Variants in MARCHF3 observed in about 807,000 individuals in gnomAD.
MARCHF3 encodes the protein membrane associated ring-CH-type finger 3.
Under a neutral mutation model 24.2 loss-of-function variants are expected in MARCHF3, and 13 were observed. The ratio of observed to expected loss-of-function variants is 0.54; its 90% CI spans 0.35 to 0.85. MARCHF3 has a LOEUF of 0.85. MARCHF3 is among the 40% of genes least tolerant of loss of function. The probability of loss-of-function intolerance (pLI) is 0.01; values close to 1 mark genes in which losing one functional copy is unlikely to be tolerated. For synonymous variants in MARCHF3, 144 were observed against 137.3 expected (o/e 1.05, Z -0.34); for missense variants, 276 against 325.0 (o/e 0.85, Z 1.16).
intron 1 of MARCHF3, among the ~76,000 whole-genome samples, chr5:126,939,993 C>A (rs1374071710): frequency 6.6e-6 from 1 of 152,166 alleles, no homozygotes; most frequent in African/African-American, 2.4e-5. Flanking sequence ...AGCACTTCAG[C>A]ACTGCCCTTA....
chr5:126,981,964 A>G (rs1751410553), intron 1 of MARCHF3, among the ~76,000 whole-genome samples: 1 of 152,206 alleles, frequency 6.6e-6, no homozygotes, highest in South Asian at 2.1e-4. Context: ...TGTTTCTAAA[A>G]CAGCACTTTC....
intron 1 of MARCHF3, among the ~76,000 whole-genome samples, chr5:126,926,736 C>CAAGT: frequency 6.6e-6 from 1 of 152,102 alleles, no homozygotes; most frequent in African/African-American, 2.4e-5. Flanking sequence ...AGCTGCTTAT[C>CAAGT]AACAGGAGAG....
chr5:126,928,159 TA>T (rs1252961080), intron 1 of MARCHF3, among the ~76,000 whole-genome samples: 1 of 152,246 alleles, frequency 6.6e-6, no homozygotes, highest in African/African-American at 2.4e-5. Context: ...TCATTTGTTT[TA>T]TGGGCTAAAA....
Position 126,927,046 on chromosome 5 carries a change from T to TA in MARCHF3, c.-56-8820dup, listed in dbSNP as rs542788379. Among the ~76,000 whole-genome samples, 241 of 152,010 alleles carry TA rather than the reference T, an allele frequency of 1.6e-3. 2 individuals are homozygous for TA. The highest frequency in any genetic ancestry group is 0.014 in the South Asian group (68 of 4,804). On this transcript the variant is annotated intron_variant, in intron 1 of 4. Transcript: ENST00000308660. ...GCTTTGATAGTCTTGTATAAACAGGTAAAAAAAATCACAGGAACTCCCCCT... is the reference window on the plus strand; with the variant it reads ...GCTTTGATAGTCTTGTATAAACAGGTAAAAAAAAATCACAGGAACTCCCCCT...
At chr5:126,880,182 G>C (rs1043277347) in intron 3 of MARCHF3, among the ~76,000 whole-genome samples, 22 of 152,132 alleles carry the variant, frequency 1.4e-4, no homozygotes, top group Admixed American at 6.5e-5. Flanking sequence ...AAAGAAGCAG[G>C]AGGTAAAAGG....
Position 126,975,672 on chromosome 5 carries a change from G to A in MARCHF3, c.-57+54678C>T, listed in dbSNP as rs77658727. Among the ~76,000 whole-genome samples the A allele has an allele frequency of 9.7e-3, 1,471 of 152,256 alleles. 17 individuals carry two copies. Among genetic ancestry groups the A allele is most frequent in the African/African-American group, 0.034 (1,404 of 41,530 alleles). ...TGGTGATGAGGAAGCCATTCTCCCA[G>A]GTACAGCAAAGGCAGAGTCTGTTGG... On this transcript the variant is annotated intron_variant, in intron 1 of 4. Coordinates refer to ENST00000308660, the MANE Select transcript of MARCHF3 (RefSeq NM_178450.5).
chr5:126,884,146 T>C (rs984937045), intron 3 of MARCHF3, among the ~76,000 whole-genome samples: 1 of 152,208 alleles, frequency 6.6e-6, no homozygotes, highest in Non-Finnish European at 1.5e-5. Flanking sequence ...GGCAGTGTAA[T>C]GATCAGAAGG....
In MARCHF3 at chr5:126,973,914, G is replaced by A. The variant is rs543115627; in HGVS notation, c.-56-55687C>T. On this transcript the variant is annotated intron_variant, in intron 1 of 4. Coordinates refer to ENST00000308660, the MANE Select transcript of MARCHF3 (RefSeq NM_178450.5). ...TTTTTTTTTTTTTTTTTTTTGAGAC[G>A]GAGTCTCGCTCTGTCGCCCAGGCCG... Among the ~76,000 whole-genome samples the A allele has an allele frequency of 8.7e-3, 989 of 113,146 alleles. 20 individuals are homozygous for A. The highest frequency in any genetic ancestry group is 0.032 in the African/African-American group (917 of 28,946). 74.2% of individuals were successfully genotyped at this position (113,146 alleles called of 152,430 possible).
chr5:127,006,134 C>T (rs1391264210), intron 1 of MARCHF3, among the ~76,000 whole-genome samples: 1 of 145,788 alleles, frequency 6.9e-6, no homozygotes, highest in African/African-American at 2.6e-5. Context: ...ACCTGCAAGG[C>T]GGAGGTTGCA....
chr5:126,975,350 T>C (rs550117006), intron 1 of MARCHF3, among the ~76,000 whole-genome samples: 1 of 152,312 alleles, frequency 6.6e-6, no homozygotes, highest in East Asian at 1.9e-4. Flanking sequence ...TAAGTTTTCT[T>C]CTCTTTTTAA....
intron 1 of MARCHF3, among the ~76,000 whole-genome samples, chr5:126,942,656 A>T (rs1749871893): frequency 6.6e-6 from 1 of 152,258 alleles, no homozygotes; most frequent in Non-Finnish European, 1.5e-5. Context: ...TTTACTGATG[A>T]CTATCTTAGG....
At chr5:126,923,215 C>G (rs761329837) in intron 1 of MARCHF3, among the ~76,000 whole-genome samples, 1 of 152,106 alleles carries the variant, frequency 6.6e-6, no homozygotes, top group African/African-American at 2.4e-5. Flanking sequence ...GTTGGAGATA[C>G]GTGGGTCTAT....
chr5:126,894,242 C>G (rs1670026617), intron 3 of MARCHF3, among the ~76,000 whole-genome samples: 1 of 140,446 alleles, frequency 7.1e-6, no homozygotes, highest in African/African-American at 2.8e-5. Flanking sequence ...GACTCTTTAT[C>G]CAATTTGCCA....
intron 1 of MARCHF3, among the ~76,000 whole-genome samples, chr5:126,992,974 G>A (rs937480347): frequency 3.3e-5 from 5 of 151,972 alleles, no homozygotes; most frequent in Non-Finnish European, 7.4e-5. Context: ...GGGTTTCCCC[G>A]TGTTAGCCAG....
chr5:127,005,944 G>A (rs1241982963), intron 1 of MARCHF3, among the ~76,000 whole-genome samples: 1 of 152,124 alleles, frequency 6.6e-6, no homozygotes, highest in African/African-American at 2.4e-5. Flanking sequence ...GCTCATGCCT[G>A]TAATCCCACC....
At chr5:126,892,063 G>A (rs1293294637) in intron 3 of MARCHF3, among the ~76,000 whole-genome samples, 5 of 152,006 alleles carry the variant, frequency 3.3e-5, no homozygotes, top group African/African-American at 1.2e-4. Flanking sequence ...GTGAATGGGA[G>A]TTCACTCATG....
intron 1 of MARCHF3, among the ~76,000 whole-genome samples, chr5:126,995,202 G>C (rs1032759582): frequency 6.6e-6 from 1 of 152,154 alleles, no homozygotes; most frequent in African/African-American, 2.4e-5. Context: ...ACTACTCTTG[G>C]TCTGGTAGCA....
intron 1 of MARCHF3, among the ~76,000 whole-genome samples, chr5:126,927,817 C>T (rs1392895624): frequency 1.3e-5 from 2 of 151,836 alleles, no homozygotes; most frequent in Non-Finnish European, 2.9e-5. Context: ...TTTTGTAGGC[C>T]CAGCCCTGCC....
At chr5:127,021,373 G>T (rs1752800652) in intron 1 of MARCHF3, among the ~76,000 whole-genome samples, 1 of 152,062 alleles carries the variant, frequency 6.6e-6, no homozygotes, top group African/African-American at 2.4e-5. Context: ...AGTCTAATAA[G>T]AATTTTTCCT....
Sources: allele counts gnomAD v4.1 joint callset (sites outside exome capture counted in the v4.1 genomes callset), GRCh38; gene constraint gnomAD v4.1.1; transcripts MANE v1.5; gene names NCBI Gene and HGNC (gene_info 2026-07-23, HGNC 2026-07-21).